The following QTMAN variants were observed in gnomAD, a reference collection of about 807,000 sequenced individuals.
QTMAN encodes queuosine-tRNA mannosyltransferase, also known as tRNA-queuosine alpha-mannosyltransferase.
At chr2:143,975,067 A>C in the QTMAN span, among the ~76,000 whole-genome samples, 4 of 152,230 alleles carry the variant, frequency 2.6e-5, no homozygotes, top group Non-Finnish European at 5.9e-5. Flanking sequence ...CAACGCAGAA[A>C]TATTTCAAGC....
At chr2:143,980,959 C>T in the QTMAN span, among the ~76,000 whole-genome samples, 1 of 152,196 alleles carries the variant, frequency 6.6e-6, no homozygotes, top group Non-Finnish European at 1.5e-5. Flanking sequence ...CCCCATGCTC[C>T]TTTGCCCACA....
At chr2:143,951,375 T>C in the QTMAN span, among the ~76,000 whole-genome samples, 2 of 151,564 alleles carry the variant, frequency 1.3e-5, no homozygotes, top group South Asian at 2.1e-4. Flanking sequence ...GAAAAGAAGA[T>C]AACGAATGAG....
chr2:144,143,324 G>A, the QTMAN span, among the ~76,000 whole-genome samples: 23 of 151,904 alleles, frequency 1.5e-4, no homozygotes, highest in Non-Finnish European at 3.1e-4. Context: ...CAATACTACT[G>A]GAAAGAAGAC....
chr2:144,176,352 T>C, the QTMAN span, among the ~76,000 whole-genome samples: 1 of 152,148 alleles, frequency 6.6e-6, no homozygotes, highest in Non-Finnish European at 1.5e-5. Context: ...AATATGAAGA[T>C]GAACTTTTTT....
At chr2:144,198,216 TA>T in the QTMAN span, among the ~76,000 whole-genome samples, 35 of 144,298 alleles carry the variant, frequency 2.4e-4, no homozygotes, top group East Asian at 4.0e-4. Flanking sequence ...AGACTTTGTT[TA>T]AAAAAAAAAA....
chr2:144,030,076 G>A, the QTMAN span, among the ~76,000 whole-genome samples: 1 of 152,132 alleles, frequency 6.6e-6, no homozygotes, highest in African/African-American at 2.4e-5. Context: ...AGGTACTATG[G>A]TAAGCAAAGG....
chr2:144,026,503 A>C, the QTMAN span, among the ~76,000 whole-genome samples: 1 of 152,210 alleles, frequency 6.6e-6, no homozygotes, highest in Admixed American at 6.5e-5. Flanking sequence ...CAAATTTCAT[A>C]AATACAACTG....
chr2:144,246,335 A>C, the QTMAN span, among the ~76,000 whole-genome samples: 1 of 152,036 alleles, frequency 6.6e-6, no homozygotes, highest in Non-Finnish European at 1.5e-5. Context: ...GCACTTTGGG[A>C]GGCCGAGGCG....
chr2:144,290,557 T>C, the QTMAN span, among the ~76,000 whole-genome samples: 1 of 152,186 alleles, frequency 6.6e-6, no homozygotes, highest in Non-Finnish European at 1.5e-5. Flanking sequence ...TATCAATGCA[T>C]ATAAGTCAGA....
At chr2:144,119,707 T>A in the QTMAN span, among the ~76,000 whole-genome samples, 457 of 152,328 alleles carry the variant, frequency 3.0e-3, 2 homozygotes, top group African/African-American at 0.01. Context: ...ACCTGCTTCA[T>A]GGGGCTGTCT....
the QTMAN span, among the ~76,000 whole-genome samples, chr2:143,958,561 C>T: frequency 6.6e-6 from 1 of 151,956 alleles, no homozygotes; most frequent in South Asian, 2.1e-4. Flanking sequence ...GTAAAAGCAG[C>T]AATTATGGGG....
the QTMAN span, among the ~76,000 whole-genome samples, chr2:144,241,291 A>G: frequency 6.6e-6 from 1 of 152,206 alleles, no homozygotes; most frequent in Admixed American, 6.5e-5. Context: ...ACACTGCTTT[A>G]GAGTAAGAAT....
chr2:143,998,635 C>T, the QTMAN span, among the ~76,000 whole-genome samples: 1 of 152,020 alleles, frequency 6.6e-6, no homozygotes, highest in South Asian at 2.1e-4. Flanking sequence ...AACGACTTAA[C>T]ACCTGGATTA....
the QTMAN span, among the ~76,000 whole-genome samples, chr2:144,296,104 C>T: frequency 3.3e-5 from 5 of 151,904 alleles, no homozygotes; most frequent in Non-Finnish European, 4.4e-5. Context: ...GTTTAGGTAA[C>T]GAAGAAGTAA....
the QTMAN span, among the ~76,000 whole-genome samples, chr2:144,123,854 A>G: frequency 6.6e-6 from 1 of 152,172 alleles, no homozygotes; most frequent in African/African-American, 2.4e-5. Context: ...CCAGTGCGTA[A>G]TAAGAGGAAA....
At chr2:144,324,770 G>A in the QTMAN span, among the ~76,000 whole-genome samples, 2 of 151,792 alleles carry the variant, frequency 1.3e-5, no homozygotes, top group Non-Finnish European at 2.9e-5. Flanking sequence ...CATGTTTTCA[G>A]GTGCTTTGAG....
At chr2:144,148,698 C>A in the QTMAN span, among the ~76,000 whole-genome samples, 2 of 151,702 alleles carry the variant, frequency 1.3e-5, no homozygotes, top group Non-Finnish European at 2.9e-5. Context: ...CCAGCTTATC[C>A]GTAACCAAAG....
chr2:143,988,724 T>G, the QTMAN span, among the ~76,000 whole-genome samples: 1 of 152,228 alleles, frequency 6.6e-6, no homozygotes, highest in Admixed American at 6.5e-5. Flanking sequence ...CTGGGCAGTC[T>G]AGCTGCACAG....
the QTMAN span, among the ~76,000 whole-genome samples, chr2:144,216,164 C>A: frequency 6.6e-6 from 1 of 152,178 alleles, no homozygotes; most frequent in African/African-American, 2.4e-5. Flanking sequence ...TCTCTCTGTT[C>A]AACTAATGAA....
Sources: gnomAD v4.1 joint callset for allele counts (sites outside exome capture counted in the v4.1 genomes callset) on GRCh38, gnomAD v4.1.1 for gene constraint, MANE v1.5 for transcripts, NCBI Gene and HGNC (gene_info 2026-07-23, HGNC 2026-07-21) for gene names.